The following AFF1 variants were observed in gnomAD, a reference collection of about 807,000 sequenced individuals.
The protein encoded by AFF1 is ALF transcription elongation factor 1.
AFF1 carries 48 observed loss-of-function variants against 121.7 expected under a neutral mutation model. The observed-to-expected ratio is 0.39, with a 90% CI of 0.31 to 0.50. AFF1 has a LOEUF of 0.50. AFF1 is among the 20% of genes least tolerant of loss of function. The pLI is 0.76. For synonymous variants in AFF1, 613 were observed against 563.0 expected (o/e 1.09, Z -1.26); for missense variants, 1,523 against 1,511.7 (o/e 1.01, Z -0.12).
intron 2 of AFF1, among the ~76,000 whole-genome samples, chr4:87,009,977 C>T (rs1289162687): frequency 6.6e-6 from 1 of 152,150 alleles, no homozygotes; most frequent in African/African-American, 2.4e-5. Context: ...AGTTTGATTC[C>T]TGATTTGTTA....
At chr4:87,107,196 T>G (rs1437808183) in intron 10 of AFF1, among the ~76,000 whole-genome samples, 2 of 152,246 alleles carry the variant, frequency 1.3e-5, no homozygotes, top group African/African-American at 4.8e-5. Context: ...TTGTTATTGT[T>G]TAATAATTTT....
intron 2 of AFF1, among the ~76,000 whole-genome samples, chr4:87,031,290 G>A (rs1729058925): frequency 1.3e-5 from 2 of 152,044 alleles, no homozygotes; most frequent in South Asian, 4.2e-4. Context: ...TTTCTCTCTT[G>A]GAAACTTCTG....
intron 4 of AFF1, among the ~76,000 whole-genome samples, chr4:87,062,929 T>C (rs1421699399): frequency 6.6e-6 from 1 of 152,144 alleles, no homozygotes; most frequent in Non-Finnish European, 1.5e-5. Context: ...ATATAGGTAG[T>C]GGTTAAAAGC....
chr4:87,060,835 C>CCA (rs1720678921), intron 4 of AFF1, among the ~76,000 whole-genome samples: 1 of 62,296 alleles, frequency 1.6e-5, no homozygotes, highest in African/African-American at 6.2e-5. Flanking sequence ...GACTCTGTCT[C>CCA]AAAAAAAAAA....
At chr4:87,043,713 T>G (rs1047963472) in intron 2 of AFF1, among the ~76,000 whole-genome samples, 12 of 152,256 alleles carry the variant, frequency 7.9e-5, no homozygotes, top group African/African-American at 2.9e-4. Context: ...CATAAATTAT[T>G]AACTTTGTGG....
intron 2 of AFF1, chr4:87,007,181 C>G (rs1412394330): frequency 7.3e-7 from 1 of 1,368,946 alleles, no homozygotes; most frequent in Non-Finnish European, 9.4e-7. Context: ...CGCAGAGGCC[C>G]CAGTGCCCGG....
At chr4:87,135,079 C>T (rs1199616115) in intron 20 of AFF1, among the ~76,000 whole-genome samples, 3 of 152,124 alleles carry the variant, frequency 2.0e-5, no homozygotes, top group Admixed American at 6.5e-5. Context: ...ACCCAAATAC[C>T]GAGATTATTT....
chr4:87,067,191 G>C (rs1284471935), intron 4 of AFF1, among the ~76,000 whole-genome samples: 1 of 152,150 alleles, frequency 6.6e-6, no homozygotes, highest in Non-Finnish European at 1.5e-5. Context: ...TTTGTGCCAT[G>C]GTAAGATGGT....
intron 2 of AFF1, among the ~76,000 whole-genome samples, chr4:86,995,331 C>G (rs1181018121): frequency 1.5e-5 from 2 of 134,556 alleles, no homozygotes; most frequent in Non-Finnish European, 3.0e-5. Flanking sequence ...CTCCCTCTCC[C>G]TCTCTTTCCA....
At chr4:87,126,405 C>G (rs1728254770) in intron 14 of AFF1, 69 bp downstream of exon 14, 3 of 1,467,170 alleles carry the variant, frequency 2.0e-6, no homozygotes, top group Non-Finnish European at 2.8e-6. Flanking sequence ...CCAAAGAAGA[C>G]AAGTTGCTAG....
At chr4:86,981,922 G>A (rs1027298442) in intron 2 of AFF1, among the ~76,000 whole-genome samples, 5 of 152,158 alleles carry the variant, frequency 3.3e-5, no homozygotes, top group African/African-American at 9.7e-5. Flanking sequence ...GTGTAGTTGT[G>A]TTGCCTGTCT....
At chr4:86,960,718 G>A (rs1722088054) in intron 2 of AFF1, among the ~76,000 whole-genome samples, 1 of 152,064 alleles carries the variant, frequency 6.6e-6, no homozygotes, top group African/African-American at 2.4e-5. Flanking sequence ...TGCAGTTAAG[G>A]CCTACCTTCA....
chr4:87,113,377 A>G (rs1726755427), intron 11 of AFF1, among the ~76,000 whole-genome samples: 2 of 151,974 alleles, frequency 1.3e-5, no homozygotes, highest in Admixed American at 6.5e-5. Flanking sequence ...GGGCTCAACA[A>G]TCCCCACCTT....
chr4:87,131,646 C>A, intron 17 of AFF1, 147 bp from the exon 18 acceptor site: 1 of 696,606 alleles, frequency 1.4e-6, no homozygotes, highest in Non-Finnish European at 2.4e-6. Flanking sequence ...GATTGTTGCT[C>A]TAAAGCCTTG....
intron 2 of AFF1, among the ~76,000 whole-genome samples, chr4:86,984,315 A>G (rs1289114527): frequency 6.0e-5 from 9 of 148,932 alleles, no homozygotes; most frequent in Middle Eastern, 6.9e-3. Context: ...TTTTTTTCCA[A>G]GTGACATTTT....
intron 2 of AFF1, among the ~76,000 whole-genome samples, chr4:86,970,321 C>T (rs926461792): frequency 4.6e-5 from 7 of 151,996 alleles, no homozygotes; most frequent in South Asian, 4.2e-4. Context: ...GGCAAGACCT[C>T]GTCTCTACAA....
At chr4:86,985,181 CTATATATATATATATATATATA>C (rs55891819) in intron 2 of AFF1, among the ~76,000 whole-genome samples, 1 of 96,518 alleles carries the variant, frequency 1.0e-5, no homozygotes, top group Non-Finnish European at 1.9e-5. Flanking sequence ...ATATGTATTA[CTATATATATATATATATATATA>C]TATATATATA....
At position 87,114,572 on chromosome 4, in the gene AFF1, C is replaced by T. The variant is rs1050566843; in HGVS notation, c.1739C>T (p.Ala580Val). Reference sequence around the variant, plus strand: ...AAAAGCTCCAGCAAAGCCCCCCGGGCCCCACCCGAAGCCCCCCACCCCGGA... The same window carrying T: ...AAAAGCTCCAGCAAAGCCCCCCGGGTCCCACCCGAAGCCCCCCACCCCGGA... ...PPKSSSKAPR[A>V]PPEAPHPGKR... The change falls in exon 12 of 21, where the codon GCC becomes GTC. Residue 580 changes from alanine (A) to valine (V), a missense_variant. Transcript: ENST00000395146. 9 of 1,340,800 alleles carry T rather than the reference C, an allele frequency of 6.7e-6. No individual in the cohort carries two copies. The Admixed American group carries it at 1.7e-4, about 25-fold the overall frequency. The allele number at this position is 1,340,800 out of a possible 1,614,324, so 83.1% of individuals were successfully genotyped here.
At chr4:86,989,812 A>G (rs1012093032) in intron 2 of AFF1, among the ~76,000 whole-genome samples, 3 of 152,202 alleles carry the variant, frequency 2.0e-5, no homozygotes, top group Admixed American at 6.5e-5. Flanking sequence ...TAAAGAAAAT[A>G]CGGCACGTAT....
Sources: gnomAD v4.1 joint callset for allele counts (sites outside exome capture counted in the v4.1 genomes callset) on GRCh38, gnomAD v4.1.1 for gene constraint, MANE v1.5 for transcripts, NCBI Gene and HGNC (gene_info 2026-07-23, HGNC 2026-07-21) for gene names.